Variants in CEP192 observed in about 807,000 individuals in gnomAD.
The protein encoded by CEP192 is centrosomal protein 192, also known as centrosomal protein of 192 kDa.
In CEP192, 151 loss-of-function variants were observed where a neutral mutation model predicts 271.8. The observed-to-expected ratio is 0.56, with a 90% CI of 0.49 to 0.64. The LOEUF is 0.64. Ranked by LOEUF, CEP192 falls within the 30% of genes least tolerant of loss-of-function variation. The pLI is 0.00. For synonymous variants in CEP192, 995 were observed against 1,076.5 expected (o/e 0.92, Z 1.48); for missense variants, 2,910 against 3,020.5 (o/e 0.96, Z 0.86).
chr18:13,038,615 C>T (rs2036035560), intron 13 of CEP192, 36 bp downstream of exon 13: 2 of 1,454,926 alleles, frequency 1.4e-6, no homozygotes, highest in African/African-American at 2.8e-5. Context: ...CTCACAGTCA[C>T]CAGATTTTAG....
chr18:13,084,915 G>A (rs1253099695), intron 30 of CEP192, among the ~76,000 whole-genome samples: 2 of 151,538 alleles, frequency 1.3e-5, no homozygotes, highest in Admixed American at 1.3e-4. Context: ...CCGGGTTCAA[G>A]CGATTCTCCT....
intron 30 of CEP192, among the ~76,000 whole-genome samples, chr18:13,086,730 G>T (rs2038914921): frequency 6.6e-6 from 1 of 152,154 alleles, no homozygotes; most frequent in Admixed American, 6.5e-5. Flanking sequence ...AAGCATATCT[G>T]TACTAATCTT....
At chr18:13,035,874 T>G (rs796429559) in intron 11 of CEP192, among the ~76,000 whole-genome samples, 1 of 152,190 alleles carries the variant, frequency 6.6e-6, no homozygotes, top group South Asian at 2.1e-4. Context: ...GCTGGGCATT[T>G]TGGCTTATGC....
intron 1 of CEP192, among the ~76,000 whole-genome samples, chr18:12,996,064 T>C (rs2033211007): frequency 6.6e-6 from 1 of 151,660 alleles, no homozygotes; most frequent in Non-Finnish European, 1.5e-5. Flanking sequence ...AGCTAAGGAG[T>C]GAGGACGTTT....
chr18:13,119,517 C>T (rs565716134), intron 44 of CEP192, among the ~76,000 whole-genome samples: 14 of 152,084 alleles, frequency 9.2e-5, no homozygotes, highest in Admixed American at 5.9e-4. Flanking sequence ...CCGAGGTGGG[C>T]GGATCATGTG....
At chr18:12,993,336 G>A (rs1017429924) in intron 1 of CEP192, among the ~76,000 whole-genome samples, 2 of 152,132 alleles carry the variant, frequency 1.3e-5, no homozygotes, top group Non-Finnish European at 2.9e-5. Flanking sequence ...AGAGCCATTT[G>A]GAAGTATGGT....
chr18:13,065,924 A>G (rs536565180), intron 21 of CEP192, among the ~76,000 whole-genome samples: 3 of 152,316 alleles, frequency 2.0e-5, no homozygotes, highest in African/African-American at 7.2e-5. Context: ...TGTTTCTTTT[A>G]TGTTAACTCG....
At chr18:13,015,574 A>G in intron 6 of CEP192, 126 bp downstream of exon 6, 2 of 810,962 alleles carry the variant, frequency 2.5e-6, no homozygotes, top group Non-Finnish European at 2.0e-6. Context: ...CCTACCTGCC[A>G]GCACTCAAAT....
chr18:13,113,322 A>G (rs550023172), intron 40 of CEP192, among the ~76,000 whole-genome samples: 4 of 152,290 alleles, frequency 2.6e-5, no homozygotes, highest in Non-Finnish European at 5.9e-5. Flanking sequence ...CTTTCTGATA[A>G]CATTTCCCCC....
chr18:13,036,190 G>A (rs1250411706), intron 11 of CEP192, among the ~76,000 whole-genome samples: 1 of 151,984 alleles, frequency 6.6e-6, no homozygotes, highest in Non-Finnish European at 1.5e-5. Flanking sequence ...ATAAGAAATG[G>A]TCACTTAACA....
At chr18:13,069,982 GA>G (rs978499458) in intron 27 of CEP192, 126 bp downstream of exon 27, 1 of 584,352 alleles carries the variant, frequency 1.7e-6, no homozygotes, top group African/African-American at 1.9e-5. Context: ...GCAACATGGC[GA>G]AATCCTGTCT....
intron 18 of CEP192, 91 bp from the exon 19 acceptor site, chr18:13,055,689 C>T (rs970213919): frequency 1.0e-5 from 9 of 902,138 alleles, no homozygotes; most frequent in African/African-American, 1.7e-5. Flanking sequence ...TCATGCACAT[C>T]TCTTTGTTAC....
Position 13,017,199 on chromosome 18 carries a change from G to A in CEP192, c.652G>A (p.Asp218Asn), listed in dbSNP as rs2034702538. Residue 218 changes from aspartate (D) to asparagine (N), a missense_variant, in exon 7 of 45, where the codon GAT (aspartate) becomes AAT (asparagine). Physicochemically the swap from Asp to Asn is conservative, Grantham distance 23. Transcript: ENST00000506447. ...SLEDSSDDDI[D>N]DEMFYDDHLE... ...GATTTTATCAATAGATGATGATATT[G>A]ATGATGAAATGTTTTATGATGATCA... 1.3e-6 allele frequency: 2 copies of A among 1,544,448 alleles called. No individual in the cohort carries two copies. The highest frequency in any genetic ancestry group is 1.7e-6 in the Non-Finnish European group (2 of 1,144,744).
chr18:13,054,952 T>C (rs2037003184), intron 18 of CEP192, among the ~76,000 whole-genome samples: 1 of 152,106 alleles, frequency 6.6e-6, no homozygotes. Flanking sequence ...CACACAAGTT[T>C]AGAAATGGGA....
At chr18:12,999,828 A>ATTTTTTTTTTTTTTTTTTTTTTTTTT (rs36207281) in intron 2 of CEP192, among the ~76,000 whole-genome samples, 1 of 124,040 alleles carries the variant, frequency 8.1e-6, no homozygotes. Context: ...ATTTCGGTCT[A>ATTTTTTTTTTTTTTTTTTTTTTTTTT]TTTTTTTTTT....
intron 20 of CEP192, 123 bp from the exon 21 acceptor site, chr18:13,058,957 AAG>A: frequency 1.5e-6 from 1 of 663,830 alleles, no homozygotes; most frequent in Non-Finnish European, 2.7e-6. Flanking sequence ...GACATTTTTG[AAG>A]AGATAATAAA....
chr18:12,996,103 G>A (rs1016255158), intron 1 of CEP192, among the ~76,000 whole-genome samples: 3 of 152,128 alleles, frequency 2.0e-5, no homozygotes, highest in Non-Finnish European at 4.4e-5. Flanking sequence ...ACTTTCGTGT[G>A]TGGAGAGTAG....
intron 33 of CEP192, among the ~76,000 whole-genome samples, chr18:13,090,797 C>T (rs778062245): frequency 2.0e-5 from 3 of 152,144 alleles, no homozygotes; most frequent in Non-Finnish European, 4.4e-5. Flanking sequence ...GATCCAAATA[C>T]GAGATAAGCT....
chr18:13,114,333 A>T, intron 42 of CEP192, 82 bp downstream of exon 42: 1 of 1,442,858 alleles, frequency 6.9e-7, no homozygotes, highest in Non-Finnish European at 9.4e-7. Context: ...CGATGACTTT[A>T]CCTGAGTTCA....
Sources: allele counts gnomAD v4.1 joint callset (sites outside exome capture counted in the v4.1 genomes callset), GRCh38; gene constraint gnomAD v4.1.1; transcripts MANE v1.5; gene names NCBI Gene and HGNC (gene_info 2026-07-23, HGNC 2026-07-21).